The following BMAL1 variants were observed in gnomAD, a reference collection of about 807,000 sequenced individuals.
BMAL1 encodes basic helix-loop-helix ARNT like 1, also known as basic helix-loop-helix ARNT-like protein 1.
At chr11:13,374,051 T>G in the BMAL1 span, 1 of 1,574,884 alleles carries the variant, frequency 6.3e-7, no homozygotes, top group Non-Finnish European at 8.7e-7. Flanking sequence ...ATTAATCATC[T>G]GAATGGCTTT....
the BMAL1 span, among the ~76,000 whole-genome samples, chr11:13,291,696 G>A: frequency 0.25 from 37,684 of 152,136 alleles, 5,039 homozygotes; most frequent in East Asian, 0.46. Context: ...ACTGTATTTA[G>A]AAGTCGGCAG....
the BMAL1 span, among the ~76,000 whole-genome samples, chr11:13,284,134 ATATATATATGTG>A: frequency 9.8e-3 from 702 of 71,934 alleles, 79 homozygotes; most frequent in African/African-American, 0.031. Context: ...GTGTGTATAT[ATATATATATGTG>A]TATATATATA....
chr11:13,339,932 CA>C, the BMAL1 span, among the ~76,000 whole-genome samples: 1 of 152,336 alleles, frequency 6.6e-6, no homozygotes, highest in African/African-American at 2.4e-5. Flanking sequence ...CCATGGAGAA[CA>C]GTGCCTGGCA....
the BMAL1 span, among the ~76,000 whole-genome samples, chr11:13,347,232 T>C: frequency 6.6e-6 from 1 of 151,574 alleles, no homozygotes; most frequent in African/African-American, 2.4e-5. Flanking sequence ...AAATAAAAAA[T>C]TAGCTACGTA....
the BMAL1 span, chr11:13,357,078 G>A: frequency 1.2e-6 from 2 of 1,614,182 alleles, no homozygotes; most frequent in African/African-American, 2.7e-5. The surrounding 1 kb of genome is among the most constrained non-coding windows in gnomAD (Gnocchi z 4.8). Flanking sequence ...GAACACCAAG[G>A]AAGGATAAAA....
At chr11:13,303,178 A>G in the BMAL1 span, among the ~76,000 whole-genome samples, 2 of 152,224 alleles carry the variant, frequency 1.3e-5, no homozygotes, top group African/African-American at 4.8e-5. Context: ...TAGCTAGTAC[A>G]TGGCAGAGCT....
At chr11:13,294,916 T>C in the BMAL1 span, among the ~76,000 whole-genome samples, 1 of 152,234 alleles carries the variant, frequency 6.6e-6, no homozygotes, top group Non-Finnish European at 1.5e-5. Context: ...AGTGTTCTTG[T>C]AGACTGAAGA....
At chr11:13,284,158 ATGTG>A in the BMAL1 span, among the ~76,000 whole-genome samples, 1 of 41,118 alleles carries the variant, frequency 2.4e-5, no homozygotes, top group Non-Finnish European at 5.0e-5. Flanking sequence ...ATATATATAT[ATGTG>A]TGTATATATA....
chr11:13,342,153 G>A, the BMAL1 span, among the ~76,000 whole-genome samples: 12 of 152,350 alleles, frequency 7.9e-5, no homozygotes, highest in African/African-American at 2.6e-4. Flanking sequence ...CATCTCTGGG[G>A]TCTAGGCTGG....
the BMAL1 span, chr11:13,386,806 G>T: frequency 6.3e-7 from 1 of 1,591,136 alleles, no homozygotes; most frequent in Non-Finnish European, 8.6e-7. Context: ...TGCATTACTG[G>T]TGGAGTTTTA....
chr11:13,380,960 T>A, the BMAL1 span: 1 of 548,824 alleles, frequency 1.8e-6, no homozygotes, highest in Non-Finnish European at 3.3e-6. Context: ...TATCTGTGGC[T>A]GCTTTCAAGC....
chr11:13,370,266 G>T, the BMAL1 span, among the ~76,000 whole-genome samples: 1 of 152,068 alleles, frequency 6.6e-6, no homozygotes, highest in Admixed American at 6.5e-5. Context: ...TCTGTCCTGG[G>T]CTGCATCTCT....
At chr11:13,278,349 G>T in the BMAL1 span, among the ~76,000 whole-genome samples, 1 of 152,226 alleles carries the variant, frequency 6.6e-6, no homozygotes, top group African/African-American at 2.4e-5. Flanking sequence ...CTCGGCCGAA[G>T]AGGACTCCTA....
At chr11:13,381,090 C>T in the BMAL1 span, 9 of 1,499,460 alleles carry the variant, frequency 6.0e-6, no homozygotes, top group African/African-American at 5.5e-5. Flanking sequence ...CCTTTCTCAC[C>T]TTTACCCCTT....
the BMAL1 span, among the ~76,000 whole-genome samples, chr11:13,352,069 T>C: frequency 1.3e-3 from 199 of 152,162 alleles, 2 homozygotes; most frequent in African/African-American, 4.6e-3. Context: ...AATGGTGGTC[T>C]CGAGGAGGTG....
the BMAL1 span, among the ~76,000 whole-genome samples, chr11:13,325,510 A>G: frequency 2.6e-5 from 4 of 152,124 alleles, no homozygotes; most frequent in African/African-American, 7.2e-5. Flanking sequence ...TGGGGTTTAC[A>G]GATAACTGGG....
the BMAL1 span, chr11:13,365,435 T>C: frequency 2.1e-6 from 3 of 1,426,584 alleles, no homozygotes; most frequent in Admixed American, 1.7e-5. Flanking sequence ...CTATTTGTTA[T>C]CAGGGTGATT....
At chr11:13,301,440 T>C in the BMAL1 span, among the ~76,000 whole-genome samples, 3 of 152,232 alleles carry the variant, frequency 2.0e-5, no homozygotes, top group African/African-American at 2.4e-5. Flanking sequence ...TTAAAACCAA[T>C]GGTTATTCAA....
the BMAL1 span, among the ~76,000 whole-genome samples, chr11:13,377,174 A>T: frequency 6.6e-6 from 1 of 152,086 alleles, no homozygotes; most frequent in African/African-American, 2.4e-5. Flanking sequence ...CGCTGGACTC[A>T]TCCTTCCTGG....
Sources: allele counts gnomAD v4.1 joint callset (sites outside exome capture counted in the v4.1 genomes callset), GRCh38; gene constraint gnomAD v4.1.1; non-coding constraint Gnocchi (gnomAD v3.1); transcripts MANE v1.5; gene names NCBI Gene and HGNC (gene_info 2026-07-23, HGNC 2026-07-21).